The following EPHA7 variants were observed in gnomAD, a reference collection of about 807,000 sequenced individuals.
EPHA7 encodes the protein EPH receptor A7.
EPHA7 carries 25 observed loss-of-function variants against 112.6 expected under a neutral mutation model. That is an observed-to-expected ratio of 0.22 (90% CI 0.16 to 0.31). The LOEUF is 0.31. EPHA7 is among the 10% of genes least tolerant of loss of function. EPHA7 has a pLI of 1.00. For synonymous variants in EPHA7, 437 were observed against 406.5 expected, an observed-to-expected ratio of 1.07 and a Z score of -0.90; for missense variants, 962 against 1,212.6, an observed-to-expected ratio of 0.79 and a Z score of 3.07.
chr6:93,380,374 C>T (rs1333024770), intron 3 of EPHA7, among the ~76,000 whole-genome samples: 1 of 152,066 alleles, frequency 6.6e-6, no homozygotes, highest in Non-Finnish European at 1.5e-5. Context: ...TAAAAGCATT[C>T]CACCATGGTA....
intron 5 of EPHA7, among the ~76,000 whole-genome samples, chr6:93,300,462 A>G (rs1371813661): frequency 6.6e-6 from 1 of 152,202 alleles, no homozygotes; most frequent in Admixed American, 6.5e-5. Flanking sequence ...AGTAAGATTT[A>G]GGACAATTTT....
intron 5 of EPHA7, among the ~76,000 whole-genome samples, chr6:93,336,765 C>G (rs982685611): frequency 6.6e-6 from 1 of 152,036 alleles, no homozygotes; most frequent in Non-Finnish European, 1.5e-5. Flanking sequence ...ATAGCAGCCA[C>G]TGCTCAAGTA....
chr6:93,299,971 T>A (rs1404692262), intron 5 of EPHA7, among the ~76,000 whole-genome samples: 4 of 152,092 alleles, frequency 2.6e-5, no homozygotes, highest in African/African-American at 9.7e-5. Context: ...TGGAGCCTAC[T>A]TGAAGATGGA....
chr6:93,352,617 T>C (rs534432668), intron 5 of EPHA7, among the ~76,000 whole-genome samples: 1 of 152,248 alleles, frequency 6.6e-6, no homozygotes, highest in Admixed American at 6.6e-5. Flanking sequence ...AAGAGAACCA[T>C]TCTTTACCTT....
At chr6:93,404,101 G>A (rs1164852523) in intron 3 of EPHA7, among the ~76,000 whole-genome samples, 6 of 151,886 alleles carry the variant, frequency 4.0e-5, no homozygotes, top group African/African-American at 1.2e-4. Context: ...GTGAAGATGA[G>A]GAAATTTACA....
intron 5 of EPHA7, among the ~76,000 whole-genome samples, chr6:93,273,012 A>C (rs546813055): frequency 6.6e-6 from 1 of 152,054 alleles, no homozygotes; most frequent in African/African-American, 2.4e-5. Flanking sequence ...TGCTACTTAA[A>C]TTATGTGCAT....
chr6:93,265,245 A>G (rs914432170), intron 7 of EPHA7, among the ~76,000 whole-genome samples: 9 of 151,724 alleles, frequency 5.9e-5, no homozygotes, highest in African/African-American at 1.7e-4. Context: ...GATGAGCCAC[A>G]TTGTCTGTGT....
chr6:93,331,376 A>G (rs897894312), intron 5 of EPHA7, among the ~76,000 whole-genome samples: 1 of 151,202 alleles, frequency 6.6e-6, no homozygotes, highest in Admixed American at 6.6e-5. Flanking sequence ...TTTACCTTTA[A>G]TCCCTTTCCA....
At chr6:93,403,217 C>A (rs1778514419) in intron 3 of EPHA7, among the ~76,000 whole-genome samples, 1 of 152,018 alleles carries the variant, frequency 6.6e-6, no homozygotes, top group Non-Finnish European at 1.5e-5. Context: ...AATTTAAATT[C>A]ACTGAATTAA....
chr6:93,337,735 A>G (rs1337175413), intron 5 of EPHA7, among the ~76,000 whole-genome samples: 1 of 152,190 alleles, frequency 6.6e-6, no homozygotes, highest in Non-Finnish European at 1.5e-5. Flanking sequence ...CAAGTTAGAT[A>G]TACCTCAGAA....
intron 3 of EPHA7, among the ~76,000 whole-genome samples, chr6:93,377,397 T>C (rs1404320988): frequency 6.6e-6 from 1 of 152,180 alleles, no homozygotes; most frequent in Admixed American, 6.5e-5. Flanking sequence ...TAGTTTTTTT[T>C]TCAAAATATT....
intron 7 of EPHA7, among the ~76,000 whole-genome samples, chr6:93,265,803 G>T (rs1770906788): frequency 6.6e-6 from 1 of 151,622 alleles, no homozygotes; most frequent in African/African-American, 2.4e-5. Flanking sequence ...GATGGCAAGG[G>T]ACTAGATCTC....
chr6:93,382,830 A>G (rs564321990), intron 3 of EPHA7, among the ~76,000 whole-genome samples: 3 of 152,296 alleles, frequency 2.0e-5, no homozygotes, highest in East Asian at 3.9e-4. Context: ...AGGTCCCAAC[A>G]TAGCCAAGTC....
chr6:93,393,797 C>T (rs887750421), intron 3 of EPHA7, among the ~76,000 whole-genome samples: 1 of 151,702 alleles, frequency 6.6e-6, no homozygotes, highest in South Asian at 2.1e-4. Context: ...TTCCATGAAG[C>T]CAAATCCACT....
chr6:93,389,197 A>C (rs2127979251), intron 3 of EPHA7, among the ~76,000 whole-genome samples: 1 of 152,232 alleles, frequency 6.6e-6, no homozygotes, highest in Non-Finnish European at 1.5e-5. Context: ...ATTTATTGAT[A>C]TCTTACCATG....
intron 3 of EPHA7, among the ~76,000 whole-genome samples, chr6:93,365,696 T>A (rs190987308): frequency 1.3e-5 from 2 of 152,246 alleles, no homozygotes; most frequent in East Asian, 3.9e-4. Context: ...AATGAGTACA[T>A]TATGGTTTGT....
rs1305977435 is a variant in EPHA7 at position 93,332,138 on chromosome 6, AAGTGTAT to A, written c.1324+24572_1324+24578del. Among the ~76,000 whole-genome samples the A allele has an allele frequency of 2.0e-5, 3 of 151,642 alleles. No individual in the cohort carries two copies. In the East Asian group the frequency reaches 5.8e-4, roughly 29 times the overall value. ...AAATATTCTCACAGAATTGGTTTCA[AAGTGTAT>A]TTACAGTGAAGCTCAATTGCTTGTC... On this transcript the variant is annotated intron_variant, in intron 5 of 16. Coordinates refer to ENST00000369303, the MANE Select transcript of EPHA7 (RefSeq NM_004440.4).
At chr6:93,324,000 C>T (rs1774195643) in intron 5 of EPHA7, among the ~76,000 whole-genome samples, 1 of 151,456 alleles carries the variant, frequency 6.6e-6, no homozygotes, top group Non-Finnish European at 1.5e-5. Context: ...CAGTGGTCTG[C>T]TTTCCGTTGC....
chr6:93,405,815 ATATAT>A (rs1778685896), intron 3 of EPHA7, among the ~76,000 whole-genome samples: 1 of 26,160 alleles, frequency 3.8e-5, no homozygotes, highest in Non-Finnish European at 7.4e-5. Context: ...GTGTGTGTGT[ATATAT>A]ATATATATAT....
Sources: allele counts gnomAD v4.1 joint callset (sites outside exome capture counted in the v4.1 genomes callset), GRCh38; gene constraint gnomAD v4.1.1; transcripts MANE v1.5; gene names NCBI Gene and HGNC (gene_info 2026-07-23, HGNC 2026-07-21).